MCPH1: variants seen among roughly 807,000 people sequenced by gnomAD.
MCPH1 encodes the protein microcephalin.
A neutral mutation model predicts 84.5 loss-of-function variants in MCPH1; 104 were observed. The ratio of observed to expected loss-of-function variants is 1.23; its 90% CI spans 1.05 to 1.45. The LOEUF (loss-of-function observed/expected upper bound fraction) is 1.45, where lower values mean the gene tolerates loss of function less well. Among genes scored for constraint, MCPH1 ranks in the 40% most tolerant of loss-of-function variants. The probability of loss-of-function intolerance (pLI) is 0.00; values close to 1 mark genes in which losing one functional copy is unlikely to be tolerated. For synonymous variants in MCPH1, 514 were observed against 366.8 expected (o/e 1.40, Z -4.58); for missense variants, 1,498 against 1,005.7 (o/e 1.49, Z -6.62).
At chr8:6,620,146 C>G (rs912504940) in intron 12 of MCPH1, 2 of 152,176 alleles carry the variant, frequency 1.3e-5, no homozygotes, top group African/African-American at 4.8e-5. Context: ...AAGTCACCAT[C>G]CAGGAAGAAT....
Position 6,642,993 on chromosome 8 carries a change from GATTCC to G in MCPH1, c.2455_2459del (p.Ser819HisfsTer9). On this transcript the variant is annotated frameshift_variant and splice_region_variant, in exon 14 of 14. Transcript: ENST00000344683. LOFTEE classifies it high-confidence loss of function. Reference sequence around the variant, plus strand: ...TAAACTGCTTTTCGCTCTCTCTCTAGATTCCATCACCCAGCACAAGGTCTGTGCCC... The same window carrying G: ...TAAACTGCTTTTCGCTCTCTCTCTAGATCACCCAGCACAAGGTCTGTGCCC... 6.2e-7 allele frequency: 1 copy of G among 1,613,932 alleles called. No individual in the cohort carries two copies. Among genetic ancestry groups the G allele is most frequent in the South Asian group, 1.1e-5 (1 of 91,058 alleles).
intron 12 of MCPH1, chr8:6,508,670 C>A: frequency 1.7e-6 from 1 of 590,988 alleles, no homozygotes; most frequent in Non-Finnish European, 3.0e-6. Flanking sequence ...TGCTAAGAAT[C>A]AAATATCCCC....
chr8:6,538,102 A>G, intron 12 of MCPH1, among the ~76,000 whole-genome samples: 1 of 152,000 alleles, frequency 6.6e-6, no homozygotes, highest in East Asian at 1.9e-4. Context: ...TCACACACAC[A>G]TACACGTTTT....
chr8:6,444,748 C>T lies in MCPH1; in HGVS notation c.1026C>T (p.His342=), dbSNP rs200289785. The stretch of plus-strand genomic sequence containing the variant: ...CTACCTTATCTTCAACAAAAGGCCA[C>T]CTTTTGATACATTCAAGACCCAGGA... The part of the protein sequence containing the change: ...LSPTLSSTKG[H]LLIHSRPRSS... Residue 342 remains histidine (H), a synonymous_variant, in exon 8 of 14, where the codon CAC becomes CAT. Coordinates refer to ENST00000344683, the MANE Select transcript of MCPH1 (RefSeq NM_024596.5). 42 of 1,614,038 alleles carry T rather than the reference C, an allele frequency of 2.6e-5. No homozygotes were observed. The highest frequency in any genetic ancestry group is 4.5e-5 in the East Asian group (2 of 44,874).
chr8:6,540,963 TC>T (rs144937520), intron 12 of MCPH1, among the ~76,000 whole-genome samples: 70 of 152,298 alleles, frequency 4.6e-4, no homozygotes, highest in African/African-American at 1.7e-3. Flanking sequence ...GGGACTGCTG[TC>T]CCCAGGGGGC....
chr8:6,477,407 A>C, intron 9 of MCPH1, 187 bp from the exon 10 acceptor site: 1 of 592,128 alleles, frequency 1.7e-6, no homozygotes, highest in East Asian at 2.9e-5. Flanking sequence ...TGGGGACAGT[A>C]TCTGAGTTTC....
intron 11 of MCPH1, among the ~76,000 whole-genome samples, chr8:6,495,639 T>G (rs1395484105): frequency 6.6e-6 from 1 of 152,228 alleles, no homozygotes; most frequent in Admixed American, 6.5e-5. Context: ...TTTGTTACGC[T>G]TATAATAAAT....
chr8:6,522,585 C>G (rs1446600333), intron 12 of MCPH1, among the ~76,000 whole-genome samples: 2 of 151,790 alleles, frequency 1.3e-5, no homozygotes, highest in Non-Finnish European at 2.9e-5. Flanking sequence ...AGCAGGCTGG[C>G]CAACATGGTG....
At chr8:6,482,553 A>G (rs964008366) in intron 11 of MCPH1, among the ~76,000 whole-genome samples, 9 of 152,204 alleles carry the variant, frequency 5.9e-5, no homozygotes, top group Non-Finnish European at 1.3e-4. Flanking sequence ...GGAGGAAAAA[A>G]TGTTATTTCT....
At chr8:6,451,212 C>T (rs994156620) in intron 8 of MCPH1, among the ~76,000 whole-genome samples, 3 of 152,208 alleles carry the variant, frequency 2.0e-5, no homozygotes, top group African/African-American at 7.2e-5. Flanking sequence ...CTAAGCAATC[C>T]TAGCAACTTG....
At chr8:6,537,147 T>A (rs1343315838) in intron 12 of MCPH1, among the ~76,000 whole-genome samples, 1 of 152,144 alleles carries the variant, frequency 6.6e-6, no homozygotes, top group African/African-American at 2.4e-5. Flanking sequence ...CTCTTTCCAA[T>A]TTCACATGCA....
intron 12 of MCPH1, among the ~76,000 whole-genome samples, chr8:6,504,588 G>A (rs1348243919): frequency 6.6e-6 from 1 of 152,106 alleles, no homozygotes; most frequent in Non-Finnish European, 1.5e-5. Flanking sequence ...GATGATGCTG[G>A]CAATTCAGAT....
At chr8:6,563,498 C>A (rs1175076840) in intron 12 of MCPH1, 1 of 152,382 alleles carries the variant, frequency 6.6e-6, no homozygotes, top group African/African-American at 2.4e-5. Context: ...TAAGTATTTC[C>A]TAGAGAGAGC....
At chr8:6,527,745 A>G (rs1453462900) in intron 12 of MCPH1, 1 of 1,373,458 alleles carries the variant, frequency 7.3e-7, no homozygotes, top group Non-Finnish European at 9.9e-7. Context: ...CTTCCTTTTC[A>G]TTAAAGTACC....
chr8:6,447,840 C>T (rs1233796758), intron 8 of MCPH1, among the ~76,000 whole-genome samples: 1 of 152,170 alleles, frequency 6.6e-6, no homozygotes, highest in African/African-American at 2.4e-5. Context: ...TGAGCTACCG[C>T]GCCCGGCCAA....
rs1167777137 is a variant in MCPH1 at position 6,645,569 on chromosome 8, G to A, written c.*2520G>A. ...AAGAAATAAAAGTCTTTATTCTCAA[G>A]AATACAAGACACTATGTATAGAAAT... On this transcript the variant is annotated 3_prime_UTR_variant, in exon 14 of 14. Coordinates refer to ENST00000344683, the MANE Select transcript of MCPH1 (RefSeq NM_024596.5). 1 of 63,376 alleles carries A rather than the reference G, an allele frequency of 1.6e-5. No individual in the cohort carries two copies. The highest frequency in any genetic ancestry group is 2.8e-5 in the Non-Finnish European group (1 of 35,232). The allele number at this position is 63,376 out of a possible 1,614,324, so 3.9% of individuals were successfully genotyped here.
At chr8:6,470,738 C>T (rs891568988) in intron 9 of MCPH1, among the ~76,000 whole-genome samples, 11 of 152,346 alleles carry the variant, frequency 7.2e-5, no homozygotes, top group African/African-American at 2.6e-4. Flanking sequence ...GTGGCCATGC[C>T]ACAGGAATCA....
intron 12 of MCPH1, chr8:6,508,548 A>C: frequency 3.3e-6 from 1 of 304,612 alleles, no homozygotes; most frequent in Non-Finnish European, 5.9e-6. Flanking sequence ...AAATATTTCT[A>C]TAATCTATAT....
chr8:6,459,980 C>T (rs958685194), intron 9 of MCPH1, among the ~76,000 whole-genome samples: 9 of 152,194 alleles, frequency 5.9e-5, no homozygotes, highest in African/African-American at 1.9e-4. Context: ...GCCACGGCCA[C>T]GGGCTCTGGG....
Sources: allele counts gnomAD v4.1 joint callset (sites outside exome capture counted in the v4.1 genomes callset), GRCh38; gene constraint gnomAD v4.1.1; transcripts MANE v1.5; gene names NCBI Gene and HGNC (gene_info 2026-07-23, HGNC 2026-07-21).